Variants in BICRAL observed in about 807,000 individuals in gnomAD.
The protein encoded by BICRAL is BRD4-interacting chromatin-remodeling complex-associated protein-like.
Under a neutral mutation model 91.8 loss-of-function variants are expected in BICRAL, and 8 were observed. The ratio of observed to expected loss-of-function variants is 0.09; its 90% CI spans 0.05 to 0.16. BICRAL has a LOEUF of 0.16. BICRAL is among the 10% of genes least tolerant of loss of function. The pLI is 1.00. For synonymous variants in BICRAL, 445 were observed against 491.1 expected, an observed-to-expected ratio of 0.91 and a Z score of 1.24; for missense variants, 1,038 against 1,310.9, an observed-to-expected ratio of 0.79 and a Z score of 3.21.
chr6:42,790,055 T>C (rs80116107), intron 1 of BICRAL, among the ~76,000 whole-genome samples: 1 of 152,166 alleles, frequency 6.6e-6, no homozygotes, highest in Non-Finnish European at 1.5e-5. Context: ...ATCAAGACCA[T>C]TGAATGTGTG....
intron 1 of BICRAL, among the ~76,000 whole-genome samples, chr6:42,764,245 A>AG (rs1287097762): frequency 1.1e-3 from 166 of 149,276 alleles, no homozygotes; most frequent in African/African-American, 3.8e-3. Flanking sequence ...TTGTTTCCGA[A>AG]AAAAAAAAAA....
intron 6 of BICRAL, among the ~76,000 whole-genome samples, chr6:42,831,089 G>T (rs1764463581): frequency 1.3e-5 from 2 of 152,168 alleles, no homozygotes; most frequent in Non-Finnish European, 2.9e-5. Flanking sequence ...GTTATCAGGA[G>T]GGTGAAATGA....
chr6:42,802,286 A>G (rs1266250369), intron 1 of BICRAL, among the ~76,000 whole-genome samples: 4 of 152,238 alleles, frequency 2.6e-5, no homozygotes, highest in African/African-American at 9.6e-5. Flanking sequence ...AAATACATGC[A>G]TATGCATAAA....
chr6:42,829,621 T>G lies in BICRAL; in HGVS notation c.1288T>G (p.Ser430Ala). The change falls in exon 6 of 13, where the codon TCT (serine) becomes GCT (alanine). Residue 430 changes from serine (S) to alanine (A), a missense_variant. Ser to Ala is a moderately conservative substitution (Grantham distance 99). Transcript: ENST00000314073. The part of the protein sequence containing the change: ...INGQLLQTQP[S>A]QLISGQVASE... Reference sequence around the variant, plus strand: ...TGGGCAACTTCTTCAAACTCAACCCTCTCAGCTCATTTCTGGCCAAGTGGC... The same window carrying G: ...TGGGCAACTTCTTCAAACTCAACCCGCTCAGCTCATTTCTGGCCAAGTGGC... 6.2e-7 allele frequency: 1 copy of G among 1,614,186 alleles called. No individual in the cohort carries two copies. The highest frequency in any genetic ancestry group is 8.5e-7 in the Non-Finnish European group (1 of 1,180,032).
At chr6:42,818,812 C>T (rs1764062944) in intron 2 of BICRAL, among the ~76,000 whole-genome samples, 1 of 152,168 alleles carries the variant, frequency 6.6e-6, no homozygotes. Flanking sequence ...TTCCCCACCG[C>T]TTTGAAACGT....
Position 42,865,091 on chromosome 6 carries a change from C to G in BICRAL, c.2885C>G (p.Ser962Trp). The change falls in exon 13 of 13, where the codon TCG becomes TGG. Residue 962 changes from serine (S) to tryptophan (W), a missense_variant. Physicochemically the swap from Ser to Trp is radical, Grantham distance 177 (BLOSUM62 -3). Around this residue, in one of 5 missense-constraint regions of BICRAL, gnomAD observed 92 missense variants for 147.8 expected, o/e 0.62. Transcript: ENST00000314073. Reference protein sequence around the residue: ...ESKLSSILADSHLEMTCNNSF... With the variant: ...ESKLSSILADWHLEMTCNNSF... The stretch of plus-strand genomic sequence containing the variant: ...AAACTGTCAAGCATCCTAGCAGATT[C>G]GCACTTGGAGATGACGTGTAACAAT... 1 of 1,614,100 alleles carries G rather than the reference C, an allele frequency of 6.2e-7. No homozygotes were observed. Among genetic ancestry groups the G allele is most frequent in the Non-Finnish European group, 8.5e-7 (1 of 1,179,992 alleles).
At chr6:42,838,338 T>G (rs923661293) in intron 6 of BICRAL, among the ~76,000 whole-genome samples, 1 of 152,212 alleles carries the variant, frequency 6.6e-6, no homozygotes, top group Admixed American at 6.5e-5. Flanking sequence ...TGGACTTGTC[T>G]GACTGGAAGT....
At chr6:42,775,879 C>T (rs1208877015) in intron 1 of BICRAL, among the ~76,000 whole-genome samples, 1 of 152,126 alleles carries the variant, frequency 6.6e-6, no homozygotes, top group African/African-American at 2.4e-5. Flanking sequence ...GTATTGAAAA[C>T]ATTTGTAATC....
At chr6:42,782,707 G>C (rs1762954436) in intron 1 of BICRAL, among the ~76,000 whole-genome samples, 1 of 151,708 alleles carries the variant, frequency 6.6e-6, no homozygotes. Flanking sequence ...AAAATTAGTT[G>C]TGTGCGCGAG....
At chr6:42,771,534 AG>A (rs1208164250) in intron 1 of BICRAL, among the ~76,000 whole-genome samples, 1 of 151,608 alleles carries the variant, frequency 6.6e-6, no homozygotes, top group African/African-American at 2.4e-5. Flanking sequence ...GTAGGGAAGG[AG>A]GGTTTTGAGG....
At chr6:42,761,914 A>G (rs1275321607) in intron 1 of BICRAL, among the ~76,000 whole-genome samples, 1 of 152,144 alleles carries the variant, frequency 6.6e-6, no homozygotes, top group East Asian at 1.9e-4. Context: ...AAAAAAAAAA[A>G]AGAAAGAAAA....
intron 2 of BICRAL, among the ~76,000 whole-genome samples, chr6:42,816,955 A>G (rs1000180130): frequency 6.7e-6 from 1 of 149,954 alleles, no homozygotes; most frequent in Non-Finnish European, 1.5e-5. Context: ...CTGAGCTTGC[A>G]GTGAGCCGAG....
intron 1 of BICRAL, among the ~76,000 whole-genome samples, chr6:42,782,732 C>T (rs2113860626): frequency 6.6e-6 from 1 of 151,348 alleles, no homozygotes; most frequent in Middle Eastern, 3.4e-3. Context: ...AGTGTGTTTT[C>T]CGCCCCCCGG....
chr6:42,777,844 GTGGCCATT>G, upstream of BICRAL, among the ~76,000 whole-genome samples: 1 of 152,230 alleles, frequency 6.6e-6, no homozygotes, highest in East Asian at 1.9e-4. Flanking sequence ...AATCATAGGA[GTGGCCATT>G]TTATTGTACA....
chr6:42,764,653 G>A (rs1405267781), intron 1 of BICRAL, among the ~76,000 whole-genome samples: 2 of 152,004 alleles, frequency 1.3e-5, no homozygotes, highest in African/African-American at 2.4e-5. Flanking sequence ...TAGGTTATGG[G>A]GTCTTTTGTT....
Position 42,865,270 on chromosome 6 carries a change from C to T in BICRAL, c.3064C>T (p.Arg1022Trp), listed in dbSNP as rs767422515. 7.4e-6 allele frequency: 12 copies of T among 1,613,950 alleles called. No homozygotes were observed. The highest frequency in any genetic ancestry group is 5.5e-5 in the South Asian group (5 of 91,088). ...CATCTTGGAACTCAAAAAGGCGGGA[C>T]GGCAGCCCCAGAGTGACCCCACGGT... ...KNILELKKAG[R>W]QPQSDPTVSG... Residue 1022 changes from arginine (R) to tryptophan (W), a missense_variant, in exon 13 of 13, where the codon CGG (arginine) becomes TGG (tryptophan). By Grantham distance (101) the Arg-to-Trp change is moderately radical. Coordinates refer to ENST00000314073, the MANE Select transcript of BICRAL (RefSeq NM_001393499.1).
Position 42,836,488 on chromosome 6 carries a change from C to T in BICRAL, c.1839+6316C>T, listed in dbSNP as rs537554495. On this transcript the variant is annotated intron_variant, in intron 6 of 12. Transcript: ENST00000314073. ...TAAGTTTTCAGGAACAAGTGAAACC[C>T]CAGGTTTATTAAAATTAAGGAACAT... Among the ~76,000 whole-genome samples, 5 of 151,930 alleles carry T rather than the reference C, an allele frequency of 3.3e-5. No homozygotes were observed. In the East Asian group the frequency reaches 9.7e-4, roughly 29 times the overall value.
At chr6:42,811,764 C>A (rs1189812554) in intron 2 of BICRAL, among the ~76,000 whole-genome samples, 1 of 152,120 alleles carries the variant, frequency 6.6e-6, no homozygotes. Flanking sequence ...AAGAAAACTT[C>A]CTAAGTTCTG....
intron 10 of BICRAL, 29 bp from the exon 11 acceptor site, chr6:42,860,233 A>T: frequency 8.0e-7 from 1 of 1,246,312 alleles, no homozygotes; most frequent in Non-Finnish European, 1.2e-6. Flanking sequence ...ACAGTCTCTC[A>T]CTATTTCTTT....
Sources: gnomAD v4.1 joint callset for allele counts (sites outside exome capture counted in the v4.1 genomes callset) on GRCh38, gnomAD v4.1.1 for gene constraint, gnomAD v4.1.1 regional missense constraint, MANE v1.5 for transcripts, NCBI Gene and HGNC (gene_info 2026-07-23, HGNC 2026-07-21) for gene names.